Variants in DCC observed in about 807,000 individuals in gnomAD.
DCC encodes the protein DCC netrin 1 receptor, also known as netrin receptor DCC.
Under a neutral mutation model 172.5 loss-of-function variants are expected in DCC, and 58 were observed. The ratio of observed to expected loss-of-function variants is 0.34; its 90% CI spans 0.27 to 0.42. The LOEUF (loss-of-function observed/expected upper bound fraction) is 0.42. Among genes scored for constraint, DCC ranks in the 10% least tolerant of loss-of-function variants. DCC has a pLI of 1.00. For synonymous variants in DCC, 709 were observed against 644.5 expected (o/e 1.10, Z -1.52); for missense variants, 1,740 against 1,791.0 (o/e 0.97, Z 0.51).
intron 7 of DCC, among the ~76,000 whole-genome samples, chr18:53,146,192 G>C (rs1000435364): frequency 6.6e-6 from 1 of 151,914 alleles, no homozygotes; most frequent in Non-Finnish European, 1.5e-5. Flanking sequence ...CTGTACTCTA[G>C]CCTGGGTGAC....
At chr18:52,694,755 T>G (rs1323486725) in intron 1 of DCC, among the ~76,000 whole-genome samples, 1 of 152,076 alleles carries the variant, frequency 6.6e-6, no homozygotes, top group Non-Finnish European at 1.5e-5. Context: ...ATTCTAGTCC[T>G]GCCTGCCTAA....
At chr18:52,887,675 T>G (rs1418950263) in intron 2 of DCC, among the ~76,000 whole-genome samples, 1 of 152,200 alleles carries the variant, frequency 6.6e-6, no homozygotes, top group Non-Finnish European at 1.5e-5. Context: ...AGTCACAATT[T>G]TAGGCAATTG....
intron 9 of DCC, among the ~76,000 whole-genome samples, chr18:53,180,821 C>A (rs922194895): frequency 2.6e-5 from 4 of 152,068 alleles, no homozygotes; most frequent in African/African-American, 9.7e-5. Flanking sequence ...CCATTTTGGC[C>A]AGGCTGGTCT....
At chr18:52,539,078 G>A (rs1204787854) in intron 1 of DCC, among the ~76,000 whole-genome samples, 1 of 152,094 alleles carries the variant, frequency 6.6e-6, no homozygotes, top group East Asian at 1.9e-4. Context: ...ATTTGGGTTT[G>A]GATGTTTGTT....
chr18:52,934,217 GTATCTAGTGATCAATATAACAA>G (rs1331769375), intron 5 of DCC, among the ~76,000 whole-genome samples: 18 of 151,778 alleles, frequency 1.2e-4, no homozygotes, highest in South Asian at 4.2e-4. Context: ...CAATATAACA[GTATCTAGTGATCAATATAACAA>G]TATCTAGTGA....
chr18:52,873,500 C>A (rs142684869), intron 2 of DCC, among the ~76,000 whole-genome samples: 1 of 152,182 alleles, frequency 6.6e-6, no homozygotes, highest in African/African-American at 2.4e-5. Context: ...GCATATAAAA[C>A]CTTTTGGTCC....
At chr18:53,358,161 TG>T (rs1368615569) in intron 15 of DCC, among the ~76,000 whole-genome samples, 5 of 152,150 alleles carry the variant, frequency 3.3e-5, no homozygotes, top group Non-Finnish European at 5.9e-5. Context: ...AAATATATCT[TG>T]TTTTTTTAGC....
intron 1 of DCC, among the ~76,000 whole-genome samples, chr18:52,592,382 G>T (rs1335337122): frequency 6.6e-6 from 1 of 152,150 alleles, no homozygotes; most frequent in African/African-American, 2.4e-5. Context: ...GTCAAAACTG[G>T]CTCAAAGAGG....
chr18:52,503,670 G>C (rs999737942), intron 1 of DCC, among the ~76,000 whole-genome samples: 2 of 152,042 alleles, frequency 1.3e-5, no homozygotes, highest in Non-Finnish European at 2.9e-5. Flanking sequence ...ATCTTCTGAG[G>C]TGGTCTCATG....
At chr18:52,377,260 T>C (rs1034675459) in intron 1 of DCC, among the ~76,000 whole-genome samples, 1 of 152,186 alleles carries the variant, frequency 6.6e-6, no homozygotes, top group African/African-American at 2.4e-5. Flanking sequence ...CCTACATTAC[T>C]ATCCTGAGCA....
chr18:52,591,225 C>A (rs1367731861), intron 1 of DCC, among the ~76,000 whole-genome samples: 5 of 151,924 alleles, frequency 3.3e-5, no homozygotes, highest in Non-Finnish European at 7.4e-5. Flanking sequence ...TTTTAAAATT[C>A]TTTTTAGCAT....
intron 1 of DCC, among the ~76,000 whole-genome samples, chr18:52,578,552 G>T (rs1362628798): frequency 6.6e-6 from 1 of 152,108 alleles, no homozygotes; most frequent in Non-Finnish European, 1.5e-5. Context: ...ATGATGTCCA[G>T]CATTACTTTC....
At chr18:52,766,370 T>C (rs2037252992) in intron 2 of DCC, among the ~76,000 whole-genome samples, 1 of 152,190 alleles carries the variant, frequency 6.6e-6, no homozygotes, top group African/African-American at 2.4e-5. Context: ...GGCCCATAGC[T>C]ACCCTCTGCC....
intron 1 of DCC, among the ~76,000 whole-genome samples, chr18:52,727,091 G>A (rs2145087180): frequency 6.6e-6 from 1 of 152,252 alleles, no homozygotes; most frequent in Non-Finnish European, 1.5e-5. Flanking sequence ...GCTGGAGTCA[G>A]TAGATAGATT....
At chr18:53,328,306 A>G (rs1401273184) in intron 14 of DCC, among the ~76,000 whole-genome samples, 5 of 152,174 alleles carry the variant, frequency 3.3e-5, no homozygotes, top group African/African-American at 1.2e-4. Context: ...CTTAATGACT[A>G]GGTTTGGATC....
chr18:53,047,235 GATATATATATATATATATATAT>G lies in DCC; in HGVS notation c.986-16038_986-16017del, dbSNP rs70944616. The stretch of plus-strand genomic sequence containing the variant: ...CCTGGTGAGCCATCCCTGCAGGTAG[GATATATATATATATATATATAT>G]ATATATATATATATATATATATATA... On this transcript the variant is annotated intron_variant, in intron 5 of 28. Coordinates refer to ENST00000442544, the MANE Select transcript of DCC (RefSeq NM_005215.4). Among the ~76,000 whole-genome samples, 86 of 30,282 alleles carry G rather than the reference GATATATATATATATATATATAT, an allele frequency of 2.8e-3. 1 individual carries two copies. The highest frequency in any genetic ancestry group is 0.018 in the East Asian group (11 of 622). The allele number at this position is 30,282 out of a possible 152,430, so 19.9% of individuals were successfully genotyped here. A position where few individuals can be genotyped will look rare whatever the true frequency, so the allele number is the denominator to read the frequency against.
chr18:52,592,865 A>T (rs997481978), intron 1 of DCC, among the ~76,000 whole-genome samples: 1 of 152,100 alleles, frequency 6.6e-6, no homozygotes, highest in Non-Finnish European at 1.5e-5. Flanking sequence ...GGCTAGTCTC[A>T]AACTCCTGGC....
intron 7 of DCC, among the ~76,000 whole-genome samples, chr18:53,119,563 T>C (rs1336693412): frequency 1.3e-5 from 2 of 151,926 alleles, no homozygotes; most frequent in Non-Finnish European, 2.9e-5. Context: ...GATTATTTCT[T>C]ATTAAAACAT....
At chr18:52,514,429 A>T (rs1316189072) in intron 1 of DCC, among the ~76,000 whole-genome samples, 1 of 152,224 alleles carries the variant, frequency 6.6e-6, no homozygotes, top group Non-Finnish European at 1.5e-5. Flanking sequence ...GGATACCAGT[A>T]ACACAGATTA....
Sources: gnomAD v4.1 joint callset for allele counts (sites outside exome capture counted in the v4.1 genomes callset) on GRCh38, gnomAD v4.1.1 for gene constraint, MANE v1.5 for transcripts, NCBI Gene and HGNC (gene_info 2026-07-23, HGNC 2026-07-21) for gene names.